The following HIVEP3 variants were observed in gnomAD, a reference collection of about 807,000 sequenced individuals.
HIVEP3 encodes the protein transcription factor HIVEP3.
A neutral mutation model predicts 152.8 loss-of-function variants in HIVEP3; 49 were observed. The ratio of observed to expected loss-of-function variants is 0.32; its 90% confidence interval spans 0.26 to 0.41. HIVEP3 has a LOEUF of 0.41. Among genes scored for constraint, HIVEP3 ranks in the 10% least tolerant of loss-of-function variants. The pLI is 1.00. For missense variants in HIVEP3, 2,790 were observed against 3,103.3 expected, an observed-to-expected ratio of 0.90 and a Z score of 2.40; for synonymous variants, 1,269 against 1,289.0, an observed-to-expected ratio of 0.98 and a Z score of 0.33.
At chr1:41,770,403 T>C (rs1648277602) in intron 1 of HIVEP3, among the ~76,000 whole-genome samples, 1 of 152,188 alleles carries the variant, frequency 6.6e-6, no homozygotes, top group Non-Finnish European at 1.5e-5. Flanking sequence ...CAGGTGGAGC[T>C]TCGTTCCCCT....
chr1:41,567,906 G>A (rs948990487), intron 5 of HIVEP3, among the ~76,000 whole-genome samples: 8 of 152,286 alleles, frequency 5.3e-5, no homozygotes, highest in African/African-American at 9.6e-5. Context: ...GCCTGGTTTC[G>A]CCTTCGTTGT....
intron 6 of HIVEP3, among the ~76,000 whole-genome samples, chr1:41,522,014 G>A (rs886363818): frequency 6.6e-6 from 1 of 152,240 alleles, no homozygotes; most frequent in Non-Finnish European, 1.5e-5. Context: ...CTGCTGCCAC[G>A]ACGTCTGACA....
chr1:42,002,422 A>G (rs144227607), intron 1 of HIVEP3, among the ~76,000 whole-genome samples: 1 of 152,300 alleles, frequency 6.6e-6, no homozygotes, highest in Non-Finnish European at 1.5e-5. Context: ...AGTTTCACCC[A>G]TCTGCCCACA....
rs571463395 is a variant in HIVEP3 at position 41,939,486 on chromosome 1, A to C, written n.120-20962T>G. On this transcript the variant is annotated intron_variant and non_coding_transcript_variant, in intron 1 of 3. Transcript: ENST00000489103. ...AAAGTGCTTAGTCCTTTTTCTTTTTATTTTTCCTTCTCCCACTTTGATCTC... is the reference window on the plus strand; with the variant it reads ...AAAGTGCTTAGTCCTTTTTCTTTTTCTTTTTCCTTCTCCCACTTTGATCTC... 9.2e-5 allele frequency among the ~76,000 whole-genome samples: 14 copies of C among 152,182 alleles called. No homozygotes were observed. In the South Asian group the frequency reaches 2.3e-3, roughly 25 times the overall value.
intron 1 of HIVEP3, among the ~76,000 whole-genome samples, chr1:41,998,572 A>G (rs1645408404): frequency 6.6e-6 from 1 of 152,194 alleles, no homozygotes; most frequent in Admixed American, 6.5e-5. Context: ...ATATCCTGAG[A>G]ATAAATACCT....
chr1:42,016,225 A>T (rs961145145), intron 1 of HIVEP3, among the ~76,000 whole-genome samples: 5 of 152,218 alleles, frequency 3.3e-5, no homozygotes, highest in African/African-American at 1.2e-4. Context: ...TCATTGTTTA[A>T]ATTATTTCCA....
intron 1 of HIVEP3, among the ~76,000 whole-genome samples, chr1:41,907,430 C>A (rs1029375601): frequency 5.3e-5 from 8 of 152,184 alleles, no homozygotes; most frequent in African/African-American, 1.9e-4. Flanking sequence ...CTTCACCAAC[C>A]AGTGCCCACA....
In HIVEP3 at chr1:41,628,952, A is replaced by G; in HGVS notation, c.-720-5T>C. ...GCTGGGTTTGTGCCTCGAATCCTGCAGGAGATGATTGAGAAACATGGTCAA... is the reference window on the plus strand; with the variant it reads ...GCTGGGTTTGTGCCTCGAATCCTGCGGGAGATGATTGAGAAACATGGTCAA... On this transcript the variant is annotated splice_region_variant and splice_polypyrimidine_tract_variant and intron_variant, in intron 2 of 8. Coordinates refer to ENST00000372583, the MANE Select transcript of HIVEP3 (RefSeq NM_024503.5). 1 of 1,230,148 alleles carries G rather than the reference A, an allele frequency of 8.1e-7. No homozygotes were observed. Among genetic ancestry groups the G allele is most frequent in the Non-Finnish European group, 1.0e-6 (1 of 987,244 alleles). 76.2% of individuals were successfully genotyped at this position (1,230,148 alleles called of 1,614,324 possible).
chr1:41,592,730 G>C (rs996906139), intron 3 of HIVEP3, among the ~76,000 whole-genome samples: 2 of 152,226 alleles, frequency 1.3e-5, no homozygotes, highest in South Asian at 4.1e-4. Flanking sequence ...GCAATTGTTG[G>C]TGGAAGCCCT....
At position 41,580,874 on chromosome 1, in the gene HIVEP3, A is replaced by G. The variant is rs754750064; in HGVS notation, c.3924T>C (p.Pro1308=). 4 of 1,607,688 alleles carry G rather than the reference A, an allele frequency of 2.5e-6. No individual in the cohort carries two copies. The South Asian group carries it at 4.5e-5, about 18-fold the overall frequency. The change falls in exon 4 of 9, where the codon CCT becomes CCC. Residue 1308 remains proline (P), a synonymous_variant. Coordinates refer to ENST00000372583, the MANE Select transcript of HIVEP3 (RefSeq NM_024503.5). ...GGGACACCATGGTGTCTGGACAGGCAGGCAGGGCCAGTGGAGGAGCTGATG... is the reference window on the plus strand; with the variant it reads ...GGGACACCATGGTGTCTGGACAGGCGGGCAGGGCCAGTGGAGGAGCTGATG... The part of the protein sequence containing the change: ...APTSAPPLAL[P]ACPDTMVSLV...
In HIVEP3 at chr1:41,584,931, G is replaced by A. The variant is rs999561312; in HGVS notation, c.-134C>T. The stretch of plus-strand genomic sequence containing the variant: ...GAGCTGTGGGAGCCAAACCCAAGAC[G>A]GCTTTGGGAGTTTTTTGCAAGTGTC... On this transcript the variant is annotated 5_prime_UTR_variant, in exon 4 of 9. Transcript: ENST00000372583. This position sits in a 1 kb window ranked among gnomAD's most constrained non-coding sequence, Gnocchi z 5.2. 3.5e-5 allele frequency: 28 copies of A among 801,046 alleles called. No individual in the cohort carries two copies. The African/African-American group carries it at 4.2e-4, about 12-fold the overall frequency. 49.6% of individuals were successfully genotyped at this position (801,046 alleles called of 1,614,324 possible).
At chr1:41,724,756 G>A (rs1335671213) in intron 1 of HIVEP3, among the ~76,000 whole-genome samples, 1 of 152,356 alleles carries the variant, frequency 6.6e-6, no homozygotes, top group South Asian at 2.1e-4. Flanking sequence ...TCTGCACTAA[G>A]GGCACCTGCC....
chr1:41,718,751 CTCTT>C (rs1209401011), intron 1 of HIVEP3, among the ~76,000 whole-genome samples: 7 of 151,206 alleles, frequency 4.6e-5, no homozygotes, highest in Non-Finnish European at 7.4e-5. Flanking sequence ...CTCTGTCTCT[CTCTT>C]TCTTTCTCTC....
At chr1:41,627,163 C>T (rs2149147411) in intron 3 of HIVEP3, among the ~76,000 whole-genome samples, 1 of 152,304 alleles carries the variant, frequency 6.6e-6, no homozygotes, top group Admixed American at 6.5e-5. Context: ...GGGTGGTGGC[C>T]CAACTGCCCA....
In HIVEP3 at chr1:41,541,721, T is replaced by A. The variant is rs534158182; in HGVS notation, c.5208-16811A>T. On this transcript the variant is annotated intron_variant, in intron 5 of 8. Coordinates refer to ENST00000372583, the MANE Select transcript of HIVEP3 (RefSeq NM_024503.5). ...CTCCTGAGGCGGAAACCAGCCTCTGTCCCTTATTAGCTGTGTGACCTTGGG... is the reference window on the plus strand; with the variant it reads ...CTCCTGAGGCGGAAACCAGCCTCTGACCCTTATTAGCTGTGTGACCTTGGG... 1.7e-3 allele frequency among the ~76,000 whole-genome samples: 254 copies of A among 152,312 alleles called. 1 individual carries two copies. The highest frequency in any genetic ancestry group is 5.9e-3 in the African/African-American group (246 of 41,564).
chr1:41,951,093 C>A (rs1048164379), intron 1 of HIVEP3, among the ~76,000 whole-genome samples: 1 of 152,206 alleles, frequency 6.6e-6, no homozygotes, highest in Non-Finnish European at 1.5e-5. Flanking sequence ...AGCTTTGCTT[C>A]TGTATTGCCA....
Position 41,582,243 on chromosome 1 carries a change from T to C in HIVEP3, c.2555A>G (p.Asn852Ser). 6.2e-7 allele frequency: 1 copy of C among 1,613,880 alleles called. No homozygotes were observed. The highest frequency in any genetic ancestry group is 8.5e-7 in the Non-Finnish European group (1 of 1,179,876). The change falls in exon 4 of 9, where the codon AAC (asparagine) becomes AGC (serine). Residue 852 changes from asparagine (N) to serine (S), a missense_variant. Around this residue, in one of 9 missense-constraint regions of HIVEP3, gnomAD observed 1,078 missense variants for 1,165.3 expected, o/e 0.93. Transcript: ENST00000372583. This position sits in a 1 kb window ranked among gnomAD's most constrained non-coding sequence, Gnocchi z 4.7. ...SLQPKLVRQPNIQVPEILVTE... is the reference protein window; with the variant it reads ...SLQPKLVRQPSIQVPEILVTE... Reference sequence around the variant, plus strand: ...TACTAGGATCTCAGGAACCTGAATGTTGGGCTGGCGGACCAACTTAGGCTG... The same window carrying C: ...TACTAGGATCTCAGGAACCTGAATGCTGGGCTGGCGGACCAACTTAGGCTG...
intron 1 of HIVEP3, among the ~76,000 whole-genome samples, chr1:41,732,133 C>T (rs1646848902): frequency 6.6e-6 from 1 of 152,100 alleles, no homozygotes; most frequent in African/African-American, 2.4e-5. Context: ...ATGGGCTAGA[C>T]TATGTGGGGA....
chr1:41,643,890 CTTTTT>C (rs58838768), intron 2 of HIVEP3, among the ~76,000 whole-genome samples: 1 of 71,980 alleles, frequency 1.4e-5, no homozygotes, highest in Non-Finnish European at 2.4e-5. Context: ...TTCCCATCCT[CTTTTT>C]TTTTTTTTTT....
Sources: gnomAD v4.1 joint callset for allele counts (sites outside exome capture counted in the v4.1 genomes callset) on GRCh38, gnomAD v4.1.1 for gene constraint, gnomAD v4.1.1 regional missense constraint, Gnocchi (gnomAD v3.1) non-coding constraint, MANE v1.5 for transcripts, NCBI Gene and HGNC (gene_info 2026-07-23, HGNC 2026-07-21) for gene names.